LONP1: variants seen among roughly 807,000 people sequenced by gnomAD.
The protein encoded by LONP1 is lon protease homolog, mitochondrial.
In LONP1, 31 loss-of-function variants were observed where a neutral mutation model predicts 98.5. That is an observed-to-expected ratio of 0.31 (90% CI 0.24 to 0.42). The LOEUF is 0.42. LONP1 is among the 20% of genes least tolerant of loss of function. LONP1 has a pLI of 1.00. For missense variants in LONP1, 1,336 were observed against 1,350.6 expected, an observed-to-expected ratio of 0.99 and a Z score of 0.17; for synonymous variants, 781 against 594.7, an observed-to-expected ratio of 1.31 and a Z score of -4.56.
Position 5,696,529 on chromosome 19 carries a change from G to A in LONP1, c.1773+141C>T, listed in dbSNP as rs1599449399. ...CTGCTGGGCGTGGCTGTGGGTGGGA[G>A]GGACCCGTCCGTGCCATCAGGGCCA... is the stretch of plus-strand genomic sequence containing the variant. On this transcript the variant is annotated intron_variant, in intron 11 of 17. Coordinates refer to ENST00000360614, the MANE Select transcript of LONP1 (RefSeq NM_004793.4). 18 of 1,291,576 alleles carry A rather than the reference G, an allele frequency of 1.4e-5. 1 individual carries two copies. The East Asian group carries it at 3.9e-4, about 28-fold the overall frequency. 80.0% of individuals were successfully genotyped at this position (1,291,576 alleles called of 1,614,324 possible).
chr19:5,693,232 G>T, intron 17 of LONP1, 66 bp downstream of exon 17: 1 of 1,542,988 alleles, frequency 6.5e-7, no homozygotes, highest in Non-Finnish European at 8.8e-7. Context: ...GCATGGCGGG[G>T]ACTGGGCCTG....
intron 17 of LONP1, among the ~76,000 whole-genome samples, chr19:5,692,705 C>T (rs2054849934): frequency 6.6e-6 from 1 of 152,198 alleles, no homozygotes; most frequent in Non-Finnish European, 1.5e-5. Flanking sequence ...ACACTGACTC[C>T]ATGGACAGTG....
At chr19:5,703,526 C>G (rs368310077) in intron 8 of LONP1, among the ~76,000 whole-genome samples, 1 of 151,980 alleles carries the variant, frequency 6.6e-6, no homozygotes, top group East Asian at 1.9e-4. Context: ...CAAGAGCACA[C>G]GGCAGGATTG....
intron 15 of LONP1, 83 bp downstream of exon 15, chr19:5,694,304 G>A (rs2054884330): frequency 6.4e-7 from 1 of 1,552,640 alleles, no homozygotes. Context: ...GAGGCCCACT[G>A]CACAGGTGTA....
chr19:5,715,807 G>A (rs2055309235), intron 1 of LONP1, among the ~76,000 whole-genome samples: 1 of 151,572 alleles, frequency 6.6e-6, no homozygotes, highest in South Asian at 2.1e-4. Flanking sequence ...ACAAGCACAC[G>A]CCACTGCACT....
intron 10 of LONP1, among the ~76,000 whole-genome samples, chr19:5,697,580 GAAGAAGAGAGGGAGA>G (rs2054961217): frequency 1.6e-5 from 2 of 123,132 alleles, no homozygotes; most frequent in Admixed American, 8.4e-5. Context: ...GGAGGGGGAG[GAAGAAGAGAGGGAGA>G]GAGAGGAGGG....
chr19:5,720,197 C>A (rs958714452), upstream of LONP1: 61 of 1,383,922 alleles, frequency 4.4e-5, no homozygotes, highest in Non-Finnish European at 5.6e-5. Flanking sequence ...ACGCACGTGA[C>A]GCCCGGCGCG....
intron 4 of LONP1, 56 bp downstream of exon 4, chr19:5,711,715 C>CAAGGGAGCCCGTGGGGGAGGCAGCT: frequency 6.8e-7 from 1 of 1,474,098 alleles, no homozygotes; most frequent in Admixed American, 1.7e-5. Flanking sequence ...AGGAACGGCT[C>CAAGGGAGCCCGTGGGGGAGGCAGCT]AAGGGAGCCC....
Position 5,719,813 on chromosome 19 carries a change from G to T in LONP1, c.320C>A (p.Pro107Gln), listed in dbSNP as rs748759945. 9.3e-6 allele frequency: 15 copies of T among 1,611,554 alleles called. No homozygotes were observed. In the Middle Eastern group the frequency reaches 8.9e-4, roughly 96 times the overall value. ...AGGSAGAGEG[P>Q]VITALTPMTI... ...CATGGGCGTGAGCGCCGTTATGACC[G>T]GGCCTTCCCCGGCGCCCGCGCTGCC... Residue 107 changes from proline (P) to glutamine (Q), a missense_variant, in exon 1 of 18, where the codon CCG (proline) becomes CAG (glutamine). By Grantham distance (76) the Pro-to-Gln change is moderately conservative. Transcript: ENST00000360614.
upstream of LONP1, chr19:5,720,277 G>C (rs769053763): frequency 1.7e-6 from 2 of 1,192,186 alleles, no homozygotes; most frequent in Non-Finnish European, 2.2e-6. Context: ...GCGGAGAAGA[G>C]GGGGCGGAGT....
At position 5,709,259 on chromosome 19, in the gene LONP1, T is replaced by C. The variant is rs917516285; in HGVS notation, c.871-856A>G. Among the ~76,000 whole-genome samples the C allele has an allele frequency of 4.0e-5, 6 of 151,276 alleles. No homozygotes were observed. In the East Asian group the frequency reaches 7.8e-4, roughly 20 times the overall value. ...ACACCAACACTTTGGGAGGCAGAGTTAGGTGGGTCACTTGAGGCCAGGAGC... is the reference window on the plus strand; with the variant it reads ...ACACCAACACTTTGGGAGGCAGAGTCAGGTGGGTCACTTGAGGCCAGGAGC... On this transcript the variant is annotated intron_variant, in intron 4 of 17. Transcript: ENST00000360614.
chr19:5,711,866 C>A lies in LONP1; in HGVS notation c.775G>T (p.Ala259Ser), dbSNP rs1359310178. 1.2e-6 allele frequency: 2 copies of A among 1,612,786 alleles called. No homozygotes were observed. The highest frequency in any genetic ancestry group is 2.7e-5 in the African/African-American group (2 of 74,942). ...ELSARHPAEL[A>S]MEPTPELPAE... ...GGGAGCTCAGGGGTGGGCTCCATCG[C>A]CAGCTCCGCCGGGTGCCTGGCGCTC... Residue 259 changes from alanine to serine, a missense_variant, in exon 4 of 18, where the codon GCG becomes TCG. This residue lies in a region of LONP1 where 457 missense variants were observed against 403.1 expected (regional missense o/e 1.13). Coordinates refer to ENST00000360614, the MANE Select transcript of LONP1 (RefSeq NM_004793.4).
At chr19:5,703,526 C>T (rs368310077) in intron 8 of LONP1, among the ~76,000 whole-genome samples, 4 of 151,980 alleles carry the variant, frequency 2.6e-5, no homozygotes, top group South Asian at 2.1e-4. Flanking sequence ...CAAGAGCACA[C>T]GGCAGGATTG....
In LONP1 at chr19:5,696,353, C is replaced by T. The variant is rs769377234; in HGVS notation, c.1792G>A (p.Gly598Ser). 6.2e-7 allele frequency: 1 copy of T among 1,613,016 alleles called. No homozygotes were observed. Among genetic ancestry groups the T allele is most frequent in the South Asian group, 1.1e-5 (1 of 91,078 alleles). ...GCCGACGACGGGTCCCCCTGGTAGC[C>T]TCGGCCGATCTTGTCCACCTGGGGC... Reference protein sequence around the residue: ...LIDEVDKIGRGYQGDPSSALL... With the variant: ...LIDEVDKIGRSYQGDPSSALL... Residue 598 changes from glycine to serine, a missense_variant, in exon 12 of 18, where the codon GGC becomes AGC. Transcript: ENST00000360614.
chr19:5,715,613 G>A (rs188053098), intron 1 of LONP1, among the ~76,000 whole-genome samples: 1,140 of 112,484 alleles, frequency 0.01, 13 homozygotes, highest in Middle Eastern at 0.027. Flanking sequence ...CTGCACTCCA[G>A]CCTGGGCGAC....
chr19:5,715,414 C>T (rs1276527018), intron 1 of LONP1, among the ~76,000 whole-genome samples: 3 of 148,610 alleles, frequency 2.0e-5, no homozygotes, highest in African/African-American at 5.0e-5. Flanking sequence ...GAGGCCGAGG[C>T]GGGCAGATCA....
intron 1 of LONP1, among the ~76,000 whole-genome samples, chr19:5,717,924 A>G (rs530518119): frequency 2.4e-5 from 3 of 125,216 alleles, no homozygotes; most frequent in East Asian, 2.2e-4. Flanking sequence ...GACAGGGTCT[A>G]TGTTGACCAT....
chr19:5,711,731 G>A (rs1270946958), intron 4 of LONP1, 40 bp downstream of exon 4: 5 of 1,541,084 alleles, frequency 3.2e-6, no homozygotes, highest in African/African-American at 1.4e-5. Context: ...AGCCCGTGGG[G>A]GAGGCAGCTG....
At chr19:5,702,267 C>G (rs1406525745) in intron 8 of LONP1, among the ~76,000 whole-genome samples, 3 of 137,272 alleles carry the variant, frequency 2.2e-5, no homozygotes, top group Non-Finnish European at 4.8e-5. Flanking sequence ...GGGGGGTCAG[C>G]CCCCCACCAG....
Sources: gnomAD v4.1 joint callset for allele counts (sites outside exome capture counted in the v4.1 genomes callset) on GRCh38, gnomAD v4.1.1 for gene constraint, gnomAD v4.1.1 regional missense constraint, MANE v1.5 for transcripts, NCBI Gene and HGNC (gene_info 2026-07-23, HGNC 2026-07-21) for gene names.